Variants in LYG1 observed in about 807,000 individuals in gnomAD.
LYG1 encodes the protein lysozyme g-like protein 1.
LYG1 carries 17 observed loss-of-function variants against 21.7 expected under a neutral mutation model. The ratio of observed to expected loss-of-function variants is 0.78; its 90% CI spans 0.54 to 1.18. The LOEUF (loss-of-function observed/expected upper bound fraction) is 1.18. LYG1 is among the 50% of genes most tolerant of loss of function. The pLI, the probability that LYG1 is intolerant of heterozygous loss-of-function variation, is 0.00. For missense variants in LYG1, 211 were observed against 238.1 expected (o/e 0.89, Z 0.75); for synonymous variants, 81 against 87.4 (o/e 0.93, Z 0.41).
chr2:99,301,418 T>A (rs1294724440), upstream of LYG1, among the ~76,000 whole-genome samples: 59 of 122,130 alleles, frequency 4.8e-4, no homozygotes, highest in East Asian at 7.6e-3. Flanking sequence ...AGAGAGAGAG[T>A]GAGAAGGAGA....
intron 5 of LYG1, among the ~76,000 whole-genome samples, chr2:99,285,849 A>C (rs1421241570): frequency 6.6e-6 from 1 of 152,238 alleles, no homozygotes; most frequent in Non-Finnish European, 1.5e-5. Context: ...TCAGACAGTA[A>C]AGCCATTTAT....
chr2:99,288,214 T>C (rs1445546995), intron 5 of LYG1, among the ~76,000 whole-genome samples: 1 of 152,190 alleles, frequency 6.6e-6, no homozygotes, highest in Non-Finnish European at 1.5e-5. Context: ...TTTTTTGTTA[T>C]GTCATAATTC....
At chr2:99,288,528 C>T (rs1454192235) in intron 5 of LYG1, among the ~76,000 whole-genome samples, 1 of 150,060 alleles carries the variant, frequency 6.7e-6, no homozygotes, top group Non-Finnish European at 1.5e-5. Flanking sequence ...CAATGTGTCT[C>T]TCTTTTTCTA....
chr2:99,291,014 G>A (rs1241327241), intron 5 of LYG1, among the ~76,000 whole-genome samples: 1 of 152,146 alleles, frequency 6.6e-6, no homozygotes, highest in Admixed American at 6.5e-5. Flanking sequence ...GGGTGGCCCG[G>A]ATGATATTCT....
In LYG1 at chr2:99,292,590, C is replaced by G; in HGVS notation, c.94G>C (p.Asp32His). The G allele has an allele frequency of 6.2e-7, 1 of 1,614,218 alleles. No individual in the cohort carries two copies. The highest frequency in any genetic ancestry group is 8.5e-7 in the Non-Finnish European group (1 of 1,180,026). ...ATCCCACAAGATGCTCCAGGGGTGTCCAGGCTTTGGATGTTTCCATAGCAT... is the reference window on the plus strand; with the variant it reads ...ATCCCACAAGATGCTCCAGGGGTGTGCAGGCTTTGGATGTTTCCATAGCAT... ...WGCYGNIQSLDTPGASCGIGR... is the reference protein window; with the variant it reads ...WGCYGNIQSLHTPGASCGIGR... Residue 32 changes from aspartate (D) to histidine (H), a missense_variant, in exon 4 of 7, where the codon GAC becomes CAC. Physicochemically the swap from Asp to His is moderately conservative, Grantham distance 81. Transcript: ENST00000308528.
At chr2:99,284,860 G>A (rs2094093755) in intron 5 of LYG1, 40 bp from the exon 6 acceptor site, 4 of 1,606,382 alleles carry the variant, frequency 2.5e-6, no homozygotes, top group Non-Finnish European at 3.4e-6. Context: ...CGTAAGCTGG[G>A]TGGGAGGGTG....
intron 1 of LYG1, among the ~76,000 whole-genome samples, chr2:99,299,824 G>A (rs1057147229): frequency 6.7e-6 from 1 of 149,930 alleles, no homozygotes; most frequent in South Asian, 2.1e-4. Context: ...AAATGTTTAA[G>A]TTTTTAAATT....
chr2:99,287,180 G>A (rs1179888839), intron 5 of LYG1, among the ~76,000 whole-genome samples: 2 of 152,198 alleles, frequency 1.3e-5, no homozygotes, highest in Non-Finnish European at 2.9e-5. Context: ...AAGTTCTAGA[G>A]ATCTGATGTA....
upstream of LYG1, among the ~76,000 whole-genome samples, chr2:99,304,174 T>C (rs186339352): frequency 6.6e-6 from 1 of 151,760 alleles, no homozygotes; most frequent in East Asian, 2.0e-4. Context: ...TCTCAAATTG[T>C]AGCTTGCATA....
intron 5 of LYG1, among the ~76,000 whole-genome samples, chr2:99,286,654 A>C (rs1194109317): frequency 6.6e-6 from 1 of 152,234 alleles, no homozygotes; most frequent in Non-Finnish European, 1.5e-5. Flanking sequence ...CAGTGAGCTG[A>C]GATAATGCCA....
Position 99,284,725 on chromosome 2 carries a change from C to G in LYG1, c.429G>C (p.Arg143Ser). 6.2e-7 allele frequency: 1 copy of G among 1,614,166 alleles called. No homozygotes were observed. ...VLTTRIKEIQRRFPTWTPDQY... is the reference protein window; with the variant it reads ...VLTTRIKEIQSRFPTWTPDQY... ...GGTCAGGGGTCCAGGTTGGAAACCT[C>G]CTCTGGATTTCTTTGATTCTAGTAG... Residue 143 changes from arginine (R) to serine (S), a missense_variant, in exon 6 of 7, where the codon AGG becomes AGC. Transcript: ENST00000308528.
At chr2:99,288,465 T>C (rs958077373) in intron 5 of LYG1, among the ~76,000 whole-genome samples, 2 of 152,232 alleles carry the variant, frequency 1.3e-5, no homozygotes, top group Non-Finnish European at 2.9e-5. Flanking sequence ...TATTTATATT[T>C]ATTGCCATTA....
intron 1 of LYG1, among the ~76,000 whole-genome samples, chr2:99,300,524 G>A (rs888159319): frequency 6.6e-6 from 1 of 152,188 alleles, no homozygotes; most frequent in African/African-American, 2.4e-5. Context: ...TCTGTTAGCC[G>A]AGGCTGTTAG....
Position 99,292,535 on chromosome 2 carries a change from C to T in LYG1, c.148+1G>A, listed in dbSNP as rs767614839. 1 of 1,611,126 alleles carries T rather than the reference C, an allele frequency of 6.2e-7. No individual in the cohort carries two copies. Among genetic ancestry groups the T allele is most frequent in the Non-Finnish European group, 8.5e-7 (1 of 1,177,292 alleles). ...TTGAGAGGGCGAAAGCTCATAGCTACCACAGTAGTTCAGGCCGTGACGTCT... is the reference window on the plus strand; with the variant it reads ...TTGAGAGGGCGAAAGCTCATAGCTATCACAGTAGTTCAGGCCGTGACGTCT... On this transcript the variant is annotated splice_donor_variant, in intron 4 of 6. Transcript: ENST00000308528. LOFTEE classifies it high-confidence loss of function.
At chr2:99,292,143 A>G (rs1021557135) in intron 4 of LYG1, among the ~76,000 whole-genome samples, 1 of 152,068 alleles carries the variant, frequency 6.6e-6, no homozygotes, top group Admixed American at 6.6e-5. Flanking sequence ...AAAATTAGCC[A>G]GGCATGGTGG....
At position 99,292,605 on chromosome 2, in the gene LYG1, T is replaced by A; in HGVS notation, c.79A>T (p.Asn27Tyr). 1 of 1,614,176 alleles carries A rather than the reference T, an allele frequency of 6.2e-7. No individual in the cohort carries two copies. The highest frequency in any genetic ancestry group is 8.5e-7 in the Non-Finnish European group (1 of 1,180,008). ...SESSNWGCYG[N>Y]IQSLDTPGAS... ...CCAGGGGTGTCCAGGCTTTGGATGTTTCCATAGCATCCCCAGTTGCTGCTT... is the reference window on the plus strand; with the variant it reads ...CCAGGGGTGTCCAGGCTTTGGATGTATCCATAGCATCCCCAGTTGCTGCTT... The change falls in exon 4 of 7, where the codon AAC becomes TAC. Residue 27 changes from asparagine to tyrosine, a missense_variant. Coordinates refer to ENST00000308528, the MANE Select transcript of LYG1 (RefSeq NM_174898.3).
chr2:99,304,350 T>G (rs1255918565), upstream of LYG1, among the ~76,000 whole-genome samples: 2 of 152,236 alleles, frequency 1.3e-5, no homozygotes, highest in Non-Finnish European at 2.9e-5. Context: ...TGCTGCCATG[T>G]GAGACATGCC....
chr2:99,292,669 G>T, intron 3 of LYG1, 29 bp from the exon 4 acceptor site: 1 of 1,406,140 alleles, frequency 7.1e-7, no homozygotes, highest in Non-Finnish European at 1.0e-6. Context: ...TCAGCCTAAG[G>T]CATGGAACTA....
At chr2:99,290,530 T>TA (rs2094115186) in intron 5 of LYG1, among the ~76,000 whole-genome samples, 1 of 151,884 alleles carries the variant, frequency 6.6e-6, no homozygotes, top group African/African-American at 2.4e-5. Context: ...TCTAAAATCT[T>TA]AAAAAAAAGA....
Sources: allele counts gnomAD v4.1 joint callset (sites outside exome capture counted in the v4.1 genomes callset), GRCh38; gene constraint gnomAD v4.1.1; transcripts MANE v1.5; gene names NCBI Gene and HGNC (gene_info 2026-07-23, HGNC 2026-07-21).